The following PRDM10 variants were observed in gnomAD, a reference collection of about 807,000 sequenced individuals.
The protein encoded by PRDM10 is PR/SET domain 10, also known as PR domain zinc finger protein 10.
In PRDM10, 65 loss-of-function variants were observed where a neutral mutation model predicts 133.1. That is an observed-to-expected ratio of 0.49 (90% CI 0.40 to 0.60). The LOEUF (loss-of-function observed/expected upper bound fraction) is 0.60. Ranked by LOEUF, PRDM10 falls within the 20% of genes least tolerant of loss-of-function variation. The probability of loss-of-function intolerance (pLI) is 0.00; values close to 1 mark genes in which losing one functional copy is unlikely to be tolerated. For missense variants in PRDM10, 1,137 were observed against 1,507.1 expected (o/e 0.75, Z 4.07); for synonymous variants, 582 against 580.4 (o/e 1.00, Z -0.04).
intron 20 of PRDM10, among the ~76,000 whole-genome samples, chr11:129,905,101 C>T (rs1020708152): frequency 5.3e-5 from 8 of 152,210 alleles, no homozygotes; most frequent in East Asian, 3.9e-4. Context: ...TGGTGGCTCA[C>T]GCCTATAATC....
chr11:129,970,120 T>C (rs1951986581), intron 1 of PRDM10, among the ~76,000 whole-genome samples: 1 of 152,210 alleles, frequency 6.6e-6, no homozygotes, highest in African/African-American at 2.4e-5. Flanking sequence ...CCTGAAGACA[T>C]AGCACCATGA....
rs1951445421 is a variant in PRDM10, at chr11:129,947,203, G to A, written c.462C>T (p.Asp154=). ...CTGGCTCCCAGTCATCCAGATCCGTGTCCTCACCGTCTTCTTCCTCATCTT... is the reference window on the plus strand; with the variant it reads ...CTGGCTCCCAGTCATCCAGATCCGTATCCTCACCGTCTTCTTCCTCATCTT... The part of the protein sequence containing the change: ...TEEDEEEDGE[D]TDLDDWEPDP... Residue 154 remains aspartate, a synonymous_variant, in exon 5 of 21, where the codon GAC becomes GAT. Coordinates refer to ENST00000360871, the MANE Select transcript of PRDM10 (RefSeq NM_199437.2). The surrounding 1 kb of genome is among the most constrained non-coding windows in gnomAD (Gnocchi z 4.6). 1.2e-6 allele frequency: 2 copies of A among 1,614,148 alleles called. No individual in the cohort carries two copies. Among genetic ancestry groups the A allele is most frequent in the Non-Finnish European group, 1.7e-6 (2 of 1,180,030 alleles).
Position 129,931,022 on chromosome 11 carries a change from G to A in PRDM10, c.1524C>T (p.Arg508=), listed in dbSNP as rs1425121543. 6.2e-7 allele frequency: 1 copy of A among 1,606,774 alleles called. No homozygotes were observed. The highest frequency in any genetic ancestry group is 1.1e-5 in the South Asian group (1 of 90,282). Residue 508 remains arginine, a synonymous_variant, in exon 11 of 21, where the codon CGC becomes CGT. Coordinates refer to ENST00000360871, the MANE Select transcript of PRDM10 (RefSeq NM_199437.2). ...GCCGGCTTTCCCCACTTACTCGGAT[G>A]CGCTTGGCTCTGCGCATGTCGTCGG... ...LTADDMRRAK[R]IRNAALQHLF...
chr11:129,965,705 G>A (rs1951892461), intron 1 of PRDM10, among the ~76,000 whole-genome samples: 3 of 151,438 alleles, frequency 2.0e-5, no homozygotes, highest in African/African-American at 4.9e-5. Context: ...TATGTGCCAG[G>A]CACTGTTCTA....
intron 1 of PRDM10, among the ~76,000 whole-genome samples, chr11:129,972,530 G>A (rs1349509322): frequency 6.6e-6 from 1 of 152,212 alleles, no homozygotes. Flanking sequence ...AGGGAGCATA[G>A]TTTGAGAACA....
chr11:129,925,724 A>AG (rs1187401067), intron 11 of PRDM10, among the ~76,000 whole-genome samples: 1 of 32,084 alleles, frequency 3.1e-5, no homozygotes, highest in African/African-American at 6.7e-4. Flanking sequence ...ACAAACAAAC[A>AG]AAAAAACAAT....
At chr11:129,946,259 G>GA (rs113258264) in intron 5 of PRDM10, among the ~76,000 whole-genome samples, 49 of 146,642 alleles carry the variant, frequency 3.3e-4, no homozygotes, top group African/African-American at 8.3e-4. Flanking sequence ...CAAAATTAAA[G>GA]AAAAAAAAAC....
At position 129,964,576 on chromosome 11, in the gene PRDM10, A is replaced by G. The variant is rs141327845; in HGVS notation, c.-118-3494T>C. ...CCATACAAGGTAGCATTTCTTCTAT[A>G]TCTTGTTTGTCCCATGTAATATCAT... On this transcript the variant is annotated intron_variant, in intron 1 of 20. Transcript: ENST00000360871. Among the ~76,000 whole-genome samples the G allele has an allele frequency of 2.5e-3, 376 of 152,348 alleles. 2 individuals carry two copies. The highest frequency in any genetic ancestry group is 8.6e-3 in the African/African-American group (359 of 41,590).
chr11:129,929,309 C>T (rs1185113137), intron 11 of PRDM10: 7 of 1,144,204 alleles, frequency 6.1e-6, no homozygotes, highest in Non-Finnish European at 8.5e-6. Context: ...AGCAACCAAA[C>T]TGTGGTTTCC....
intron 1 of PRDM10, among the ~76,000 whole-genome samples, chr11:129,979,577 C>T (rs1937987338): frequency 6.6e-6 from 1 of 152,184 alleles, no homozygotes; most frequent in African/African-American, 2.4e-5. Flanking sequence ...GTTCCTGTCT[C>T]CCCAGCAACT....
At position 129,910,566 on chromosome 11, in the gene PRDM10, G is replaced by A. The variant is rs1348286807; in HGVS notation, c.3073C>T (p.Gln1025Ter). ...TGCTGCTGCTGCTGCTGCAGAGCCT[G>A]CCCCTGTGTGGAAGAACTGCCCTGG... ...HIQGSSSTQG[Q>*]ALQQQQQQQQ... Residue 1025 changes from glutamine to a stop codon, truncating the protein, a stop_gained, in exon 19 of 21, where the codon CAG becomes TAG. Coordinates refer to ENST00000360871, the MANE Select transcript of PRDM10 (RefSeq NM_199437.2). LOFTEE classifies it high-confidence loss of function. 6.2e-7 allele frequency: 1 copy of A among 1,614,082 alleles called. No homozygotes were observed. The highest frequency in any genetic ancestry group is 8.5e-7 in the Non-Finnish European group (1 of 1,180,012).
chr11:129,986,060 G>A (rs1938425736), intron 1 of PRDM10, among the ~76,000 whole-genome samples: 1 of 151,848 alleles, frequency 6.6e-6, no homozygotes, highest in African/African-American at 2.4e-5. Context: ...GCAGAGTCTG[G>A]GGTGTGTGGT....
chr11:129,935,335 A>G, intron 8 of PRDM10, 117 bp from the exon 9 acceptor site: 1 of 741,236 alleles, frequency 1.3e-6, no homozygotes, highest in Non-Finnish European at 2.3e-6. Context: ...TCATAACTAT[A>G]TAGTATCTGC....
At position 129,902,088 on chromosome 11, in the gene PRDM10, C is replaced by G. The variant is rs769565987; in HGVS notation, c.*225G>C. ...CTCTCCACCTCGAAATCTACTTTCC[C>G]CTGAAAGATCTCTGTTCTGTGGCAA... On this transcript the variant is annotated 3_prime_UTR_variant, in exon 21 of 21. Coordinates refer to ENST00000360871, the MANE Select transcript of PRDM10 (RefSeq NM_199437.2). 38 of 539,058 alleles carry G rather than the reference C, an allele frequency of 7.0e-5. No individual in the cohort carries two copies. The highest frequency in any genetic ancestry group is 9.7e-5 in the African/African-American group (5 of 51,810). 33.4% of individuals were successfully genotyped at this position (539,058 alleles called of 1,614,324 possible). A position where few individuals can be genotyped will look rare whatever the true frequency, so the allele number is the denominator to read the frequency against.
At chr11:129,966,800 G>C (rs764172766) in intron 1 of PRDM10, among the ~76,000 whole-genome samples, 22 of 152,150 alleles carry the variant, frequency 1.4e-4, no homozygotes, top group Non-Finnish European at 2.8e-4. Flanking sequence ...TAGATGCTTA[G>C]AGGAGATTCC....
At chr11:129,922,765 T>C (rs931227426) in intron 13 of PRDM10, among the ~76,000 whole-genome samples, 1 of 152,236 alleles carries the variant, frequency 6.6e-6, no homozygotes, top group Non-Finnish European at 1.5e-5. Context: ...CGGATACTCA[T>C]AATGTTTTAA....
At chr11:129,928,644 C>T (rs1044083850) in intron 11 of PRDM10, among the ~76,000 whole-genome samples, 2 of 152,158 alleles carry the variant, frequency 1.3e-5, no homozygotes, top group Non-Finnish European at 2.9e-5. Context: ...ATCCACCTGC[C>T]TCAGCCTCCC....
chr11:129,976,350 G>A (rs990187451), intron 1 of PRDM10, among the ~76,000 whole-genome samples: 2 of 152,156 alleles, frequency 1.3e-5, no homozygotes, highest in African/African-American at 4.8e-5. Context: ...GTGTCCTCAA[G>A]CATGGCCAAG....
chr11:129,932,922 C>T (rs530901970), intron 9 of PRDM10, among the ~76,000 whole-genome samples: 3 of 152,250 alleles, frequency 2.0e-5, no homozygotes, highest in East Asian at 1.9e-4. Context: ...TGTGGCACCA[C>T]GCCCAGCTAA....
Sources: gnomAD v4.1 joint callset for allele counts (sites outside exome capture counted in the v4.1 genomes callset) on GRCh38, gnomAD v4.1.1 for gene constraint, Gnocchi (gnomAD v3.1) non-coding constraint, MANE v1.5 for transcripts, NCBI Gene and HGNC (gene_info 2026-07-23, HGNC 2026-07-21) for gene names.